The following FREM2 variants were observed in gnomAD, a reference collection of about 807,000 sequenced individuals.
FREM2 encodes FRAS1-related extracellular matrix protein 2.
In FREM2, 119 loss-of-function variants were observed where a neutral mutation model predicts 219.9. The observed-to-expected ratio is 0.54, with a 90% CI of 0.47 to 0.63. FREM2 has a LOEUF of 0.63. Among genes scored for constraint, FREM2 ranks in the 30% least tolerant of loss-of-function variants. The probability of loss-of-function intolerance (pLI) is 0.00; values close to 1 mark genes in which losing one functional copy is unlikely to be tolerated. For missense variants in FREM2, 4,030 were observed against 3,993.6 expected (o/e 1.01, Z -0.25); for synonymous variants, 1,562 against 1,522.8 (o/e 1.03, Z -0.60).
chr13:38,756,817 C>T (rs527771470), intron 2 of FREM2, among the ~76,000 whole-genome samples: 32 of 151,592 alleles, frequency 2.1e-4, no homozygotes, highest in Admixed American at 1.9e-3. Flanking sequence ...CTGGGATTAC[C>T]GGCGTGAACC....
chr13:38,750,986 A>G (rs1353511575), intron 2 of FREM2, among the ~76,000 whole-genome samples: 2 of 152,158 alleles, frequency 1.3e-5, no homozygotes, highest in African/African-American at 4.8e-5. Flanking sequence ...TGGCTGCACT[A>G]CACTTTACAT....
chr13:38,691,331 A>G lies in FREM2; in HGVS notation c.3987A>G (p.Ala1329=), dbSNP rs1056956034. 2 of 1,613,910 alleles carry G rather than the reference A, an allele frequency of 1.2e-6. No individual in the cohort carries two copies. Among genetic ancestry groups the G allele is most frequent in the African/African-American group, 2.7e-5 (2 of 74,912 alleles). The change falls in exon 1 of 24, where the codon GCA becomes GCG. Residue 1329 remains alanine (A), a synonymous_variant. Coordinates refer to ENST00000280481, the MANE Select transcript of FREM2 (RefSeq NM_207361.6). ...TTATCAACAACAAAATATTAATGGC[A>G]ACAGATTTAGATTCAGAAGACAAAT... ...TKIINNKILM[A]TDLDSEDKSL...
At position 38,705,716 on chromosome 13, in the gene FREM2, A is replaced by G. The variant is rs141326486; in HGVS notation, c.5263+7929A>G. Among the ~76,000 whole-genome samples the G allele has an allele frequency of 3.7e-4, 56 of 152,330 alleles. No individual in the cohort carries two copies. The East Asian group carries it at 0.01, about 28-fold the overall frequency. ...ATTCATGCGGCACAGTTCCTGTCACATAGTAACAACTATGCAGGTAGCTGC... is the reference window on the plus strand; with the variant it reads ...ATTCATGCGGCACAGTTCCTGTCACGTAGTAACAACTATGCAGGTAGCTGC... On this transcript the variant is annotated intron_variant, in intron 2 of 23. Transcript: ENST00000280481.
intron 2 of FREM2, among the ~76,000 whole-genome samples, chr13:38,710,376 A>G (rs1255465223): frequency 6.6e-6 from 1 of 152,194 alleles, no homozygotes. Flanking sequence ...CTGGAATGCA[A>G]AGTTTAATTA....
Position 38,764,455 on chromosome 13 carries a change from G to C in FREM2, c.5410+5G>C. ...TGGGAGAAACTTCTTTTATAAGTAAGTTTAATTTTTTATTTCTGTTTTAAA... is the reference window on the plus strand; with the variant it reads ...TGGGAGAAACTTCTTTTATAAGTAACTTTAATTTTTTATTTCTGTTTTAAA... On this transcript the variant is annotated splice_donor_5th_base_variant and intron_variant, in intron 3 of 23. Coordinates refer to ENST00000280481, the MANE Select transcript of FREM2 (RefSeq NM_207361.6). The C allele has an allele frequency of 6.7e-7, 1 of 1,482,298 alleles. No homozygotes were observed. Among genetic ancestry groups the C allele is most frequent in the South Asian group, 1.2e-5 (1 of 82,298 alleles). The allele number at this position is 1,482,298 out of a possible 1,614,324, so 91.8% of individuals were successfully genotyped here.
chr13:38,763,153 A>T (rs911142033), intron 2 of FREM2, among the ~76,000 whole-genome samples: 3 of 152,224 alleles, frequency 2.0e-5, no homozygotes, highest in Non-Finnish European at 4.4e-5. Context: ...TGCTAATTTG[A>T]AAGCCAAACA....
chr13:38,712,173 C>T (rs1355739237), intron 2 of FREM2, among the ~76,000 whole-genome samples: 3 of 152,038 alleles, frequency 2.0e-5, no homozygotes, highest in South Asian at 2.1e-4. Context: ...GGATTACAGG[C>T]GTGAGCCACC....
At chr13:38,726,361 G>C (rs909325499) in intron 2 of FREM2, among the ~76,000 whole-genome samples, 2 of 152,146 alleles carry the variant, frequency 1.3e-5, no homozygotes, top group African/African-American at 2.4e-5. Flanking sequence ...GCTCTGGATC[G>C]GATAGTTTGC....
At chr13:38,793,468 T>C (rs563177194) in intron 6 of FREM2, among the ~76,000 whole-genome samples, 127 of 152,240 alleles carry the variant, frequency 8.3e-4, no homozygotes, top group Middle Eastern at 3.4e-3. Context: ...TCCGTGGAAC[T>C]GAAAGCTTGG....
chr13:38,880,350 C>G lies in FREM2; in HGVS notation c.9073C>G (p.Arg3025Gly), dbSNP rs370714192. ...YTVRSKDNAN[R>G]GIGKRSVEYH... ...AGTGAGATCGAAAGACAATGCCAAT[C>G]GAGGTATTGGCAAAAGAAGTGTGGA... is the stretch of plus-strand genomic sequence containing the variant. Residue 3025 changes from arginine (R) to glycine (G), a missense_variant, in exon 24 of 24, where the codon CGA (arginine) becomes GGA (glycine). Coordinates refer to ENST00000280481, the MANE Select transcript of FREM2 (RefSeq NM_207361.6). The G allele has an allele frequency of 6.2e-6, 10 of 1,613,508 alleles. No individual in the cohort carries two copies. In the African/African-American group the frequency reaches 1.1e-4, roughly 17 times the overall value.
rs996265247 is a variant in FREM2 at position 38,691,799 on chromosome 13, G to A, written c.4455G>A (p.Leu1485=). ...TGTCCATCACGTCTTTCACTCAGCT[G>A]CAACTGGCTGGAAACAAAATCTACT... ...PGVSITSFTQ[L]QLAGNKIYYI... is the part of the protein sequence containing the mutation. Residue 1485 remains leucine, a synonymous_variant, in exon 1 of 24, where the codon CTG becomes CTA. Transcript: ENST00000280481. 3 of 1,614,160 alleles carry A rather than the reference G, an allele frequency of 1.9e-6. No homozygotes were observed. The highest frequency in any genetic ancestry group is 2.7e-5 in the African/African-American group (2 of 75,044).
rs1877304567 is a variant in FREM2 at position 38,849,930 on chromosome 13, C to T, written c.6380-108C>T. The stretch of plus-strand genomic sequence containing the variant: ...GCAAGTGACTGAATGGAGACAGAAT[C>T]CAGTTCTTCTCACTTACTTTCCATT... On this transcript the variant is annotated intron_variant, in intron 8 of 23. Transcript: ENST00000280481. 3 of 876,818 alleles carry T rather than the reference C, an allele frequency of 3.4e-6. No individual in the cohort carries two copies. In the East Asian group the frequency reaches 7.8e-5, roughly 23 times the overall value. The allele number at this position is 876,818 out of a possible 1,614,324, so 54.3% of individuals were successfully genotyped here.
Position 38,864,586 on chromosome 13 carries a change from A to G in FREM2, c.7963A>G (p.Thr2655Ala). 6.2e-7 allele frequency: 1 copy of G among 1,614,162 alleles called. No homozygotes were observed. Among genetic ancestry groups the G allele is most frequent in the Non-Finnish European group, 8.5e-7 (1 of 1,179,972 alleles). ...AGAACTCCTTGCTGACTGTGGTGGC[A>G]CCATTGGAACAGATGGACAGGTACA... is the stretch of plus-strand genomic sequence containing the variant. The part of the protein sequence containing the change: ...MSELLADCGG[T>A]IGTDGQVLNL... The change falls in exon 16 of 24, where the codon ACC (threonine) becomes GCC (alanine). Residue 2655 changes from threonine to alanine, a missense_variant. Coordinates refer to ENST00000280481, the MANE Select transcript of FREM2 (RefSeq NM_207361.6).
chr13:38,864,383 CTGAAG>C lies in FREM2; in HGVS notation c.7766_7770del (p.Val2589AspfsTer8). 6.2e-7 allele frequency: 1 copy of C among 1,614,018 alleles called. No homozygotes were observed. Among genetic ancestry groups the C allele is most frequent in the East Asian group, 2.2e-5 (1 of 44,878 alleles). ...AAGTGCTCCAACCTCCTGGATTATA[CTGAAG>C]TGAAGACTCATTATGGTTTCTTGAC... On this transcript the variant is annotated frameshift_variant, in exon 16 of 24. Transcript: ENST00000280481. LOFTEE classifies it high-confidence loss of function.
intron 6 of FREM2, among the ~76,000 whole-genome samples, chr13:38,813,330 A>G (rs921492354): frequency 1.3e-5 from 2 of 151,834 alleles, no homozygotes; most frequent in African/African-American, 4.8e-5. Context: ...TGCGCAAGAT[A>G]TACTATTCTA....
intron 2 of FREM2, among the ~76,000 whole-genome samples, chr13:38,719,345 C>T (rs1242977829): frequency 2.6e-5 from 4 of 152,258 alleles, no homozygotes; most frequent in African/African-American, 7.2e-5. Context: ...CTCACCCTCC[C>T]GAGTAGCTGA....
intron 1 of FREM2, among the ~76,000 whole-genome samples, chr13:38,694,481 A>G (rs1054936791): frequency 1.3e-5 from 2 of 152,214 alleles, no homozygotes; most frequent in Admixed American, 6.5e-5. Flanking sequence ...TCAGAAAGCT[A>G]CCATGGCTCT....
intron 2 of FREM2, among the ~76,000 whole-genome samples, chr13:38,712,803 C>A (rs933026981): frequency 2.0e-5 from 3 of 152,038 alleles, no homozygotes; most frequent in African/African-American, 7.2e-5. Flanking sequence ...CAAAATTAGC[C>A]TCTTAGGAAA....
At chr13:38,766,867 C>T (rs144939286) in intron 3 of FREM2, among the ~76,000 whole-genome samples, 1 of 152,276 alleles carries the variant, frequency 6.6e-6, no homozygotes. Context: ...TATTCCCTGA[C>T]TCAACAAATA....
Sources: allele counts gnomAD v4.1 joint callset (sites outside exome capture counted in the v4.1 genomes callset), GRCh38; gene constraint gnomAD v4.1.1; transcripts MANE v1.5; gene names NCBI Gene and HGNC (gene_info 2026-07-23, HGNC 2026-07-21).